BCL2: variants seen among roughly 807,000 people sequenced by gnomAD.
BCL2 encodes the protein apoptosis regulator Bcl-2.
In BCL2, 1 loss-of-function variant was observed where a neutral mutation model predicts 14.2. That is an observed-to-expected ratio of 0.07 (90% CI 0.02 to 0.33). The LOEUF (loss-of-function observed/expected upper bound fraction) is 0.33, where lower values mean the gene tolerates loss of function less well. Ranked by LOEUF, BCL2 falls within the 10% of genes least tolerant of loss-of-function variation. The probability of loss-of-function intolerance (pLI) is 0.99; values close to 1 mark genes in which losing one functional copy is unlikely to be tolerated. For synonymous variants in BCL2, 151 were observed against 137.2 expected (o/e 1.10, Z -0.70); for missense variants, 247 against 305.9 (o/e 0.81, Z 1.44).
At chr18:63,255,712 T>C (rs1911453719) in intron 2 of BCL2, among the ~76,000 whole-genome samples, 1 of 152,144 alleles carries the variant, frequency 6.6e-6, no homozygotes, top group Non-Finnish European at 1.5e-5. Flanking sequence ...AGACAATATC[T>C]AAATGCCTCT....
intron 2 of BCL2, among the ~76,000 whole-genome samples, chr18:63,221,212 G>A (rs1263617552): frequency 1.3e-5 from 2 of 152,184 alleles, no homozygotes; most frequent in African/African-American, 4.8e-5. Flanking sequence ...TTGGACAACG[G>A]ATCTTTAAAT....
At chr18:63,199,289 CACAG>C (rs201365432) in intron 2 of BCL2, among the ~76,000 whole-genome samples, 7,562 of 148,854 alleles carry the variant, frequency 0.051, 239 homozygotes, top group East Asian at 0.11. Flanking sequence ...CAGACACATG[CACAG>C]ACACAGAGAC....
chr18:63,132,313 C>T (rs894905445), intron 2 of BCL2, among the ~76,000 whole-genome samples: 30 of 152,210 alleles, frequency 2.0e-4, no homozygotes, highest in African/African-American at 6.8e-4. Context: ...AAAGTGAGCT[C>T]GTGGCAGAAC....
At chr18:63,237,068 A>T (rs1226510504) in intron 2 of BCL2, among the ~76,000 whole-genome samples, 2 of 152,214 alleles carry the variant, frequency 1.3e-5, no homozygotes, top group Non-Finnish European at 2.9e-5. Context: ...GGAAATACAT[A>T]AAATGCCTAG....
chr18:63,314,213 A>G (rs2144312603), intron 2 of BCL2: 1 of 152,336 alleles, frequency 6.6e-6, no homozygotes, highest in South Asian at 2.1e-4. Context: ...TTAAGACTAG[A>G]TCATCTTCAA....
intron 2 of BCL2, among the ~76,000 whole-genome samples, chr18:63,281,879 G>A (rs928050274): frequency 8.5e-5 from 13 of 152,094 alleles, no homozygotes; most frequent in African/African-American, 2.4e-4. Flanking sequence ...TTAGGCTGAC[G>A]GTTTGTTTAT....
At position 63,127,028 on chromosome 18, in the gene BCL2, C is replaced by A. The variant is rs1268101184; in HGVS notation, c.*1597G>T. On this transcript the variant is annotated 3_prime_UTR_variant, in exon 3 of 3. Transcript: ENST00000333681. ...TTTGTTACTTCTTTATAGTTCCCCA[C>A]CATTGATTTTTTTTTTAATGCCCCA... The A allele has an allele frequency of 2.3e-5, 5 of 221,958 alleles. No homozygotes were observed. Among genetic ancestry groups the A allele is most frequent in the African/African-American group, 1.2e-4 (5 of 40,290 alleles). 13.7% of individuals were successfully genotyped at this position (221,958 alleles called of 1,614,324 possible).
chr18:63,246,375 G>A (rs1187580277), intron 2 of BCL2, among the ~76,000 whole-genome samples: 5 of 152,086 alleles, frequency 3.3e-5, no homozygotes, highest in African/African-American at 9.7e-5. Flanking sequence ...CCGTGTTCAC[G>A]CTGCTGGTAA....
At position 63,300,419 on chromosome 18, in the gene BCL2, AAAAAAAC is replaced by A. The variant is rs779055223; in HGVS notation, c.585+17656_585+17662del. The stretch of plus-strand genomic sequence containing the variant: ...TAAGAGTTTGTTCAAAAAAAAAGAG[AAAAAAAC>A]AAAAAAGAAAGAGATCTTGTGCTCC... On this transcript the variant is annotated intron_variant, in intron 2 of 2. Transcript: ENST00000333681. 5.3e-4 allele frequency among the ~76,000 whole-genome samples: 80 copies of A among 151,144 alleles called. No individual in the cohort carries two copies. The East Asian group carries it at 0.015, about 28-fold the overall frequency.
chr18:63,307,592 G>A (rs533068535), intron 2 of BCL2, among the ~76,000 whole-genome samples: 3 of 152,330 alleles, frequency 2.0e-5, no homozygotes, highest in South Asian at 2.1e-4. Context: ...TACAAAGCAG[G>A]AGAGCTCATT....
intron 2 of BCL2, among the ~76,000 whole-genome samples, chr18:63,210,948 A>G (rs1316338188): frequency 2.0e-5 from 3 of 151,676 alleles, no homozygotes; most frequent in Non-Finnish European, 2.9e-5. Context: ...CATTTCACCT[A>G]AGCCCAAATA....
intron 2 of BCL2, chr18:63,302,699 T>C (rs982626828): frequency 1.0e-6 from 1 of 984,666 alleles, no homozygotes; most frequent in Non-Finnish European, 1.2e-6. Context: ...TATAAATAAA[T>C]GAGAAAGTAG....
chr18:63,277,861 G>A (rs1210604580), intron 2 of BCL2, among the ~76,000 whole-genome samples: 1 of 152,182 alleles, frequency 6.6e-6, no homozygotes, highest in Non-Finnish European at 1.5e-5. Flanking sequence ...CAGGCTCTGT[G>A]TGAGATACAC....
At chr18:63,207,319 G>A (rs1224899150) in intron 2 of BCL2, among the ~76,000 whole-genome samples, 2 of 152,244 alleles carry the variant, frequency 1.3e-5, no homozygotes, top group East Asian at 1.9e-4. Context: ...GCACCTGGCT[G>A]TGGCCGTCAG....
In BCL2 at chr18:63,318,998, G is replaced by A. The variant is rs2144327612; in HGVS notation, c.-286-46C>T. The A allele has an allele frequency of 8.1e-7, 1 of 1,233,528 alleles. No homozygotes were observed. Among genetic ancestry groups the A allele is most frequent in the Non-Finnish European group, 1.0e-6 (1 of 976,698 alleles). 76.4% of individuals were successfully genotyped at this position (1,233,528 alleles called of 1,614,324 possible). A position where few individuals can be genotyped will look rare whatever the true frequency, so the allele number is the denominator to read the frequency against. On this transcript the variant is annotated intron_variant, in intron 1 of 2. Coordinates refer to ENST00000333681, the MANE Select transcript of BCL2 (RefSeq NM_000633.3). This position sits in a 1 kb window ranked among gnomAD's most constrained non-coding sequence, Gnocchi z 7.4. ...CAAACTAATAAGTAAAAAATCAGGTGCGTTTCCCTGTACACACTGAGTGAA... is the reference window on the plus strand; with the variant it reads ...CAAACTAATAAGTAAAAAATCAGGTACGTTTCCCTGTACACACTGAGTGAA...
At chr18:63,226,623 C>T (rs1311220333) in intron 2 of BCL2, among the ~76,000 whole-genome samples, 1 of 152,118 alleles carries the variant, frequency 6.6e-6, no homozygotes, top group East Asian at 1.9e-4. Flanking sequence ...TGAAAAAATA[C>T]ATGCTGTATG....
chr18:63,232,516 GA>G (rs1910718506), intron 2 of BCL2, among the ~76,000 whole-genome samples: 1 of 152,104 alleles, frequency 6.6e-6, no homozygotes, highest in South Asian at 2.1e-4. Context: ...CCCAAATGAT[GA>G]AAAACCGTAG....
At chr18:63,268,330 G>A (rs945646546) in intron 2 of BCL2, among the ~76,000 whole-genome samples, 1 of 152,184 alleles carries the variant, frequency 6.6e-6, no homozygotes, top group Non-Finnish European at 1.5e-5. Context: ...GTTTTACTAA[G>A]AGACCTTAGA....
At chr18:63,225,691 T>G (rs560557516) in intron 2 of BCL2, among the ~76,000 whole-genome samples, 217 of 152,314 alleles carry the variant, frequency 1.4e-3, no homozygotes, top group African/African-American at 5.2e-3. Context: ...ACTCCACTCA[T>G]GAAGACATGC....
Sources: allele counts gnomAD v4.1 joint callset (sites outside exome capture counted in the v4.1 genomes callset), GRCh38; gene constraint gnomAD v4.1.1; non-coding constraint Gnocchi (gnomAD v3.1); transcripts MANE v1.5; gene names NCBI Gene and HGNC (gene_info 2026-07-23, HGNC 2026-07-21).